AK6: variants seen among roughly 807,000 people sequenced by gnomAD.
The protein encoded by AK6 is adenylate kinase isoenzyme 6.
In AK6, 24 loss-of-function variants were observed where a neutral mutation model predicts 23.7. The ratio of observed to expected loss-of-function variants is 1.01; its 90% CI spans 0.73 to 1.43. The LOEUF is 1.43. AK6 is among the 40% of genes most tolerant of loss of function. AK6 has a pLI of 0.00. For synonymous variants in AK6, 73 were observed against 69.8 expected (o/e 1.05, Z -0.23); for missense variants, 191 against 199.1 (o/e 0.96, Z 0.24).
intron 1 of AK6, chr5:69,369,168 A>C: frequency 2.1e-6 from 1 of 487,030 alleles, no homozygotes. Flanking sequence ...GAAATACCAG[A>C]TTCAGAAAGA....
intron 2 of AK6, among the ~76,000 whole-genome samples, chr5:69,364,187 T>G (rs1762322509): frequency 6.6e-6 from 1 of 151,400 alleles, no homozygotes; most frequent in Non-Finnish European, 1.5e-5. Flanking sequence ...GACGTTCTTT[T>G]GGACAAAAAA....
chr5:69,369,505 C>T lies in AK6; in HGVS notation c.-15G>A, dbSNP rs1378265230. On this transcript the variant is annotated 5_prime_UTR_variant, in exon 1 of 5. Coordinates refer to ENST00000380822, the MANE Select transcript of AK6 (RefSeq NM_016283.5). ...GGAAGCAACATGGTCCCCGCCGCGA[C>T]GGCTTCGGGCGCCTCGCTCACGTGC... The T allele has an allele frequency of 1.2e-6, 2 of 1,611,226 alleles. No individual in the cohort carries two copies. Among genetic ancestry groups the T allele is most frequent in the Non-Finnish European group, 8.5e-7 (1 of 1,179,214 alleles).
chr5:69,365,739 A>G, intron 2 of AK6: 1 of 1,531,988 alleles, frequency 6.5e-7, no homozygotes, highest in Non-Finnish European at 8.8e-7. Context: ...AGACTCCATG[A>G]TATCCGATGA....
At chr5:69,366,757 T>A (rs368798703) in intron 1 of AK6, 162 bp from the exon 2 acceptor site, 10 of 607,242 alleles carry the variant, frequency 1.6e-5, no homozygotes, top group Non-Finnish European at 2.6e-5. Flanking sequence ...TTAGCAATCA[T>A]ATGTAAAATT....
intron 1 of AK6, chr5:69,368,877 T>C (rs1580332294): frequency 6.6e-6 from 1 of 152,384 alleles, no homozygotes; most frequent in African/African-American, 2.4e-5. Flanking sequence ...CCCGAAATGC[T>C]CTATATGCCT....
At chr5:69,362,777 A>C (rs189772651) in intron 2 of AK6, among the ~76,000 whole-genome samples, 1 of 151,952 alleles carries the variant, frequency 6.6e-6, no homozygotes, top group African/African-American at 2.4e-5. Flanking sequence ...CCCACAAAGT[A>C]CCTCCATCAA....
At chr5:69,362,017 C>G (rs967598578) in intron 2 of AK6, among the ~76,000 whole-genome samples, 1 of 144,868 alleles carries the variant, frequency 6.9e-6, no homozygotes, top group Non-Finnish European at 1.5e-5. Flanking sequence ...TGAAGATGAC[C>G]TCTCTCAACT....
chr5:69,364,696 C>T, intron 2 of AK6: 1 of 580,412 alleles, frequency 1.7e-6, no homozygotes, highest in Non-Finnish European at 3.1e-6. Flanking sequence ...TTGGTGACAA[C>T]AAGGAGAAAA....
rs1761941117 is a variant in AK6 at position 69,351,085 on chromosome 5, A to T, written c.*976T>A. ...AGGGGATGAGGAGGAAAGAATAGAGAGTGACTGCTAAAGGGTATAGGAGTT... is the reference window on the plus strand; with the variant it reads ...AGGGGATGAGGAGGAAAGAATAGAGTGTGACTGCTAAAGGGTATAGGAGTT... On this transcript the variant is annotated 3_prime_UTR_variant, in exon 5 of 5. Coordinates refer to ENST00000380822, the MANE Select transcript of AK6 (RefSeq NM_016283.5). The T allele has an allele frequency of 6.6e-6, 1 of 152,268 alleles. No homozygotes were observed. The highest frequency in any genetic ancestry group is 1.5e-5 in the Non-Finnish European group (1 of 68,060). 9.4% of individuals were successfully genotyped at this position (152,268 alleles called of 1,614,324 possible). A position where few individuals can be genotyped will look rare whatever the true frequency, so the allele number is the denominator to read the frequency against.
chr5:69,364,131 T>C lies in AK6; in HGVS notation c.121+2372A>G, dbSNP rs191661985. Among the ~76,000 whole-genome samples the C allele has an allele frequency of 3.3e-5, 5 of 152,034 alleles. No homozygotes were observed. The East Asian group carries it at 5.8e-4, about 18-fold the overall frequency. On this transcript the variant is annotated intron_variant, in intron 2 of 4. Transcript: ENST00000380822. ...AAATGGAAAATGAGTAGTTGTATGA[T>C]AGCAAATAAAAATCTAGGTTTTAGA...
At chr5:69,358,747 C>G (rs1446338608) in intron 2 of AK6, among the ~76,000 whole-genome samples, 1 of 151,872 alleles carries the variant, frequency 6.6e-6, no homozygotes, top group Admixed American at 6.6e-5. Flanking sequence ...AAATTTTATG[C>G]TACTTTAGAA....
intron 2 of AK6, among the ~76,000 whole-genome samples, chr5:69,356,765 G>C (rs931586002): frequency 6.6e-6 from 1 of 152,152 alleles, no homozygotes; most frequent in Non-Finnish European, 1.5e-5. Flanking sequence ...AAATGCTCCT[G>C]AACAGTATCT....
chr5:69,365,188 C>T, intron 2 of AK6: 1 of 1,614,206 alleles, frequency 6.2e-7, no homozygotes, highest in Non-Finnish European at 8.5e-7. Flanking sequence ...AACCTTTGAC[C>T]TGTGAGGGAC....
intron 2 of AK6, among the ~76,000 whole-genome samples, chr5:69,366,244 G>A (rs1002362240): frequency 3.3e-5 from 5 of 152,042 alleles, no homozygotes; most frequent in Admixed American, 1.3e-4. Context: ...CTACCTATCC[G>A]AAATCCAGTC....
At chr5:69,369,398 A>G in intron 1 of AK6, 65 bp downstream of exon 1, 1 of 1,571,144 alleles carries the variant, frequency 6.4e-7, no homozygotes, top group Non-Finnish European at 8.6e-7. Flanking sequence ...TGGGCGCCCG[A>G]TGCCCAGAGC....
intron 2 of AK6, among the ~76,000 whole-genome samples, chr5:69,364,308 C>T (rs991806752): frequency 1.2e-4 from 18 of 151,454 alleles, no homozygotes; most frequent in African/African-American, 4.4e-4. Flanking sequence ...ATATGAAAAA[C>T]AAAGATGCTC....
At position 69,364,976 on chromosome 5, in the gene AK6, G is replaced by A. The variant is rs527471914; in HGVS notation, c.121+1527C>T. On this transcript the variant is annotated intron_variant, in intron 2 of 4. Transcript: ENST00000380822. ...TATCATAGTCATCATCATCATCATC[G>A]TCATCATCATCATCTTCACGTTTTC... is the stretch of plus-strand genomic sequence containing the variant. The A allele has an allele frequency of 4.2e-5, 68 of 1,612,680 alleles. No homozygotes were observed. In the South Asian group the frequency reaches 4.5e-4, roughly 11 times the overall value.
At position 69,352,086 on chromosome 5, in the gene AK6, T is replaced by G. The variant is rs1229715198; in HGVS notation, c.494A>C (p.Gln165Pro). 6.2e-7 allele frequency: 1 copy of G among 1,610,988 alleles called. No individual in the cohort carries two copies. Among genetic ancestry groups the G allele is most frequent in the South Asian group, 1.1e-5 (1 of 90,688 alleles). ...NVDQILKWIE[Q>P]WIKDHNS The stretch of plus-strand genomic sequence containing the variant: ...TCAAGAGTTATGATCTTTGATCCAC[T>G]GCTCAATCCATTTCAAGATCTGATC... The change falls in exon 5 of 5, where the codon CAG becomes CCG. Residue 165 changes from glutamine to proline, a missense_variant. Coordinates refer to ENST00000380822, the MANE Select transcript of AK6 (RefSeq NM_016283.5).
intron 2 of AK6, chr5:69,365,895 T>C (rs1261489590): frequency 1.9e-6 from 1 of 528,798 alleles, no homozygotes; most frequent in African/African-American, 2.0e-5. Flanking sequence ...TATGTTTTCT[T>C]AATTTTAATG....
Sources: gnomAD v4.1 joint callset for allele counts (sites outside exome capture counted in the v4.1 genomes callset) on GRCh38, gnomAD v4.1.1 for gene constraint, MANE v1.5 for transcripts, NCBI Gene and HGNC (gene_info 2026-07-23, HGNC 2026-07-21) for gene names.